ROBO1: variants seen among roughly 807,000 people sequenced by gnomAD.
ROBO1 encodes the protein roundabout homolog 1.
In ROBO1, 149 loss-of-function variants were observed where a neutral mutation model predicts 195.9. The observed-to-expected ratio is 0.76, with a 90% CI of 0.67 to 0.87. The LOEUF (loss-of-function observed/expected upper bound fraction) is 0.87, where lower values mean the gene tolerates loss of function less well. ROBO1 is among the 40% of genes least tolerant of loss of function. The pLI is 0.00. For missense variants in ROBO1, 1,933 were observed against 2,068.3 expected (o/e 0.93, Z 1.27); for synonymous variants, 816 against 733.2 (o/e 1.11, Z -1.82).
At chr3:79,173,587 C>T (rs916535427) in intron 2 of ROBO1, among the ~76,000 whole-genome samples, 3 of 152,080 alleles carry the variant, frequency 2.0e-5, no homozygotes, top group African/African-American at 7.2e-5. Context: ...ACCTGCAGCC[C>T]GCCATGCCTG....
At chr3:79,403,985 TC>T (rs1281108287) in intron 2 of ROBO1, among the ~76,000 whole-genome samples, 3 of 152,070 alleles carry the variant, frequency 2.0e-5, no homozygotes, top group African/African-American at 7.2e-5. Flanking sequence ...ACATTTAATT[TC>T]CATCACTTTT....
chr3:79,471,671 T>C (rs1297539381), intron 2 of ROBO1, among the ~76,000 whole-genome samples: 1 of 152,082 alleles, frequency 6.6e-6, no homozygotes, highest in Admixed American at 6.6e-5. Context: ...TTTGATTCCT[T>C]TTTGTCACGC....
chr3:78,958,349 C>T (rs1323655370), intron 3 of ROBO1, among the ~76,000 whole-genome samples: 2 of 152,098 alleles, frequency 1.3e-5, no homozygotes, highest in African/African-American at 4.8e-5. Context: ...AACATTTAAA[C>T]ATTTGTTAAT....
intron 3 of ROBO1, among the ~76,000 whole-genome samples, chr3:79,041,971 A>C (rs932871179): frequency 6.6e-6 from 1 of 152,154 alleles, no homozygotes; most frequent in Non-Finnish European, 1.5e-5. Flanking sequence ...CTATAGCATG[A>C]CCAATTCCTC....
chr3:79,498,587 C>T (rs1939877108), intron 2 of ROBO1, among the ~76,000 whole-genome samples: 2 of 152,210 alleles, frequency 1.3e-5, no homozygotes, highest in South Asian at 2.1e-4. Flanking sequence ...GGCACGGTGG[C>T]TCACGCCTGT....
intron 2 of ROBO1, among the ~76,000 whole-genome samples, chr3:79,135,635 A>G (rs1053992913): frequency 4.6e-5 from 7 of 151,826 alleles, no homozygotes; most frequent in East Asian, 1.9e-4. Context: ...CAATCATTCA[A>G]TCTTCTTTTT....
intron 3 of ROBO1, among the ~76,000 whole-genome samples, chr3:78,939,394 C>A (rs1352174865): frequency 1.3e-5 from 2 of 151,116 alleles, no homozygotes; most frequent in Non-Finnish European, 1.5e-5. Flanking sequence ...GCGGGCGGAT[C>A]ACGAGGTCAG....
At chr3:79,465,994 A>G (rs775418518) in intron 2 of ROBO1, among the ~76,000 whole-genome samples, 2 of 151,916 alleles carry the variant, frequency 1.3e-5, no homozygotes, top group South Asian at 4.2e-4. Flanking sequence ...GCTTTTATAT[A>G]TGATAATGAA....
chr3:78,706,026 C>T lies in ROBO1; in HGVS notation c.1045+8371G>A, dbSNP rs572993748. ...AGACTGCAGTAAACAATGAGACTAACAAAGCAAAGTCAGCAAAGTGTGTGC... is the reference window on the plus strand; with the variant it reads ...AGACTGCAGTAAACAATGAGACTAATAAAGCAAAGTCAGCAAAGTGTGTGC... On this transcript the variant is annotated intron_variant, in intron 8 of 30. Transcript: ENST00000464233. Among the ~76,000 whole-genome samples, 123 of 140,230 alleles carry T rather than the reference C, an allele frequency of 8.8e-4. 1 individual carries two copies. Among genetic ancestry groups the T allele is most frequent in the African/African-American group, 2.9e-3 (107 of 36,662 alleles). 92.0% of individuals were successfully genotyped at this position (140,230 alleles called of 152,430 possible). A position where few individuals can be genotyped will look rare whatever the true frequency, so the allele number is the denominator to read the frequency against.
At chr3:78,883,712 C>T (rs2036324237) in intron 4 of ROBO1, among the ~76,000 whole-genome samples, 1 of 152,034 alleles carries the variant, frequency 6.6e-6, no homozygotes, top group Admixed American at 6.6e-5. Context: ...TAATAATTTA[C>T]TATATAGTAT....
At chr3:79,054,002 T>C (rs1468129501) in intron 3 of ROBO1, among the ~76,000 whole-genome samples, 2 of 152,150 alleles carry the variant, frequency 1.3e-5, no homozygotes, top group Non-Finnish European at 1.5e-5. Context: ...AAACTTTTTG[T>C]ACTGAGGCCA....
Position 79,299,583 on chromosome 3 carries a change from G to T in ROBO1, c.89-174044C>A, listed in dbSNP as rs114555356. On this transcript the variant is annotated intron_variant, in intron 2 of 30. Transcript: ENST00000464233. ...GCTTGATATGAGATTTGAAAATAAA[G>T]ATATTATATAAAGTGTTTGCCAATA... 7.5e-3 allele frequency among the ~76,000 whole-genome samples: 1,142 copies of T among 152,166 alleles called. 8 individuals carry two copies. Among genetic ancestry groups the T allele is most frequent in the African/African-American group, 0.026 (1,071 of 41,518 alleles).
intron 4 of ROBO1, among the ~76,000 whole-genome samples, chr3:78,869,213 G>T (rs932502860): frequency 6.6e-5 from 10 of 151,940 alleles, no homozygotes; most frequent in African/African-American, 2.2e-4. Flanking sequence ...TAAAAAATTT[G>T]AATTCATCTG....
At position 78,963,494 on chromosome 3, in the gene ROBO1, G is replaced by GTTTTTTTTTTTTT. The variant is rs750158094; in HGVS notation, c.173-24580_173-24568dup. On this transcript the variant is annotated intron_variant, in intron 3 of 30. Transcript: ENST00000464233. ...GAGAAGATCCAGAGGAAAACCTTCA[G>GTTTTTTTTTTTTT]TTTTTTTTTTTTTTTTTTTTTTTTT... Among the ~76,000 whole-genome samples, 22 of 72,310 alleles carry GTTTTTTTTTTTTT rather than the reference G, an allele frequency of 3.0e-4. 1 individual carries two copies. The highest frequency in any genetic ancestry group is 9.9e-4 in the East Asian group (2 of 2,018). The allele number at this position is 72,310 out of a possible 152,430, so 47.4% of individuals were successfully genotyped here. A position where few individuals can be genotyped will look rare whatever the true frequency, so the allele number is the denominator to read the frequency against.
chr3:78,637,971 T>C (rs1450326554), intron 22 of ROBO1, among the ~76,000 whole-genome samples: 2 of 144,420 alleles, frequency 1.4e-5, no homozygotes, highest in Non-Finnish European at 3.0e-5. Flanking sequence ...ATTGGCAATA[T>C]TGGGTTTTTT....
At chr3:79,693,728 G>T (rs1947363185) in intron 1 of ROBO1, among the ~76,000 whole-genome samples, 1 of 151,630 alleles carries the variant, frequency 6.6e-6, no homozygotes, top group Non-Finnish European at 1.5e-5. Context: ...GTGAGCCACT[G>T]TGCCCAACCC....
At chr3:78,947,278 G>C (rs934778672) in intron 3 of ROBO1, among the ~76,000 whole-genome samples, 1 of 152,082 alleles carries the variant, frequency 6.6e-6, no homozygotes, top group Non-Finnish European at 1.5e-5. Context: ...AGGAAGTAAA[G>C]CACTCCTCAG....
intron 4 of ROBO1, among the ~76,000 whole-genome samples, chr3:78,821,710 G>A (rs1288215828): frequency 1.3e-5 from 2 of 151,964 alleles, no homozygotes; most frequent in Non-Finnish European, 2.9e-5. Flanking sequence ...TTTGGATTTG[G>A]CCCAAAGAGA....
At chr3:79,010,284 G>C (rs933012051) in intron 3 of ROBO1, among the ~76,000 whole-genome samples, 1 of 152,088 alleles carries the variant, frequency 6.6e-6, no homozygotes, top group Non-Finnish European at 1.5e-5. Flanking sequence ...TCTGAGATGA[G>C]ACAGGCTACT....
Sources: gnomAD v4.1 joint callset for allele counts (sites outside exome capture counted in the v4.1 genomes callset) on GRCh38, gnomAD v4.1.1 for gene constraint, MANE v1.5 for transcripts, NCBI Gene and HGNC (gene_info 2026-07-23, HGNC 2026-07-21) for gene names.